KIAA0825: variants seen among roughly 807,000 people sequenced by gnomAD.
The protein encoded by KIAA0825 is uncharacterized protein KIAA0825.
A neutral mutation model predicts 147.6 loss-of-function variants in KIAA0825; 119 were observed. That is an observed-to-expected ratio of 0.81 (90% confidence interval 0.69 to 0.94). The LOEUF is 0.94. Ranked by LOEUF, KIAA0825 falls within the 40% of genes least tolerant of loss-of-function variation. The pLI is 0.00. For missense variants in KIAA0825, 1,381 were observed against 1,472.7 expected (o/e 0.94, Z 1.02); for synonymous variants, 470 against 518.1 (o/e 0.91, Z 1.26).
intron 20 of KIAA0825, among the ~76,000 whole-genome samples, chr5:94,359,677 C>T (rs1744800310): frequency 1.3e-5 from 2 of 152,240 alleles, no homozygotes; most frequent in Non-Finnish European, 1.5e-5. Flanking sequence ...TATTGCTCAA[C>T]TACCTATTAG....
intron 20 of KIAA0825, among the ~76,000 whole-genome samples, chr5:94,271,167 A>C (rs1022997280): frequency 2.6e-5 from 4 of 152,178 alleles, no homozygotes; most frequent in African/African-American, 9.7e-5. Context: ...CCTCAAACTA[A>C]AGAAAACATT....
chr5:94,158,209 T>C (rs778449858), intron 20 of KIAA0825, among the ~76,000 whole-genome samples: 4 of 152,114 alleles, frequency 2.6e-5, no homozygotes, highest in Admixed American at 6.6e-5. Context: ...CAGGCCCCCT[T>C]ATTTGTTTAT....
At chr5:94,211,786 A>G (rs1772732315) in intron 20 of KIAA0825, among the ~76,000 whole-genome samples, 1 of 152,174 alleles carries the variant, frequency 6.6e-6, no homozygotes, top group South Asian at 2.1e-4. Context: ...ATTGGATCCA[A>G]GTGAACATTC....
chr5:94,182,504 C>T (rs911633958), intron 20 of KIAA0825, among the ~76,000 whole-genome samples: 1 of 151,634 alleles, frequency 6.6e-6, no homozygotes, highest in Non-Finnish European at 1.5e-5. Flanking sequence ...AGGTGATCCA[C>T]CTGCCTCGCC....
chr5:94,199,745 G>A (rs2150019576), intron 20 of KIAA0825, among the ~76,000 whole-genome samples: 1 of 152,312 alleles, frequency 6.6e-6, no homozygotes, highest in Middle Eastern at 3.4e-3. Context: ...CATGTCAGTT[G>A]GGGGATGCTG....
chr5:94,534,645 A>G (rs1771598219), intron 3 of KIAA0825, among the ~76,000 whole-genome samples: 1 of 152,100 alleles, frequency 6.6e-6, no homozygotes, highest in Non-Finnish European at 1.5e-5. Flanking sequence ...ACTATTTTTT[A>G]ATGCAAAATA....
intron 20 of KIAA0825, among the ~76,000 whole-genome samples, chr5:94,310,603 T>A (rs1430150697): frequency 6.6e-6 from 1 of 151,606 alleles, no homozygotes; most frequent in African/African-American, 2.4e-5. Flanking sequence ...CATACCACAA[T>A]AAATAATGTG....
intron 20 of KIAA0825, among the ~76,000 whole-genome samples, chr5:94,302,206 C>T (rs192220703): frequency 6.6e-5 from 10 of 152,162 alleles, no homozygotes; most frequent in South Asian, 6.2e-4. Context: ...AAAATAGGCC[C>T]GTTCAGCCCC....
At chr5:94,173,513 G>T (rs1479903214) in intron 20 of KIAA0825, among the ~76,000 whole-genome samples, 1 of 152,090 alleles carries the variant, frequency 6.6e-6, no homozygotes, top group East Asian at 1.9e-4. Context: ...CTCATAACAT[G>T]GCAGCTCCCC....
rs138146587 is a variant in KIAA0825, at chr5:94,162,141, T to G, written c.3711-8017A>C. On this transcript the variant is annotated intron_variant, in intron 20 of 20. Transcript: ENST00000682413. ...TCTCAGCATTTACATCCTTCTTAAC[T>G]TGATACTTTTAAAGAATCTATAGGT... Among the ~76,000 whole-genome samples the G allele has an allele frequency of 1.4e-3, 214 of 152,296 alleles. 1 individual carries two copies. Among genetic ancestry groups the G allele is most frequent in the African/African-American group, 4.7e-3 (194 of 41,568 alleles).
At chr5:94,532,442 C>G (rs1770983293) in intron 3 of KIAA0825, among the ~76,000 whole-genome samples, 1 of 151,938 alleles carries the variant, frequency 6.6e-6, no homozygotes, top group African/African-American at 2.4e-5. Flanking sequence ...GGCATGAGCC[C>G]CCACCCGACC....
At chr5:94,450,517 CCAGCAT>C (rs1243533964) in intron 13 of KIAA0825, among the ~76,000 whole-genome samples, 1 of 151,738 alleles carries the variant, frequency 6.6e-6, no homozygotes, top group Non-Finnish European at 1.5e-5. Flanking sequence ...GATCAAGGCA[CCAGCAT>C]CTGGTGAGGC....
chr5:94,597,595 C>T (rs1031067812), intron 1 of KIAA0825, among the ~76,000 whole-genome samples: 1 of 152,272 alleles, frequency 6.6e-6, no homozygotes, highest in African/African-American at 2.4e-5. Flanking sequence ...CAGTACTACC[C>T]TGATATCCAA....
intron 20 of KIAA0825, among the ~76,000 whole-genome samples, chr5:94,293,684 T>C (rs185862447): frequency 6.6e-6 from 1 of 152,172 alleles, no homozygotes; most frequent in Non-Finnish European, 1.5e-5. Context: ...TTCTGTCTCA[T>C]TGATCTGTCT....
chr5:94,280,604 A>G (rs955367852), intron 20 of KIAA0825, among the ~76,000 whole-genome samples: 5 of 152,066 alleles, frequency 3.3e-5, no homozygotes, highest in African/African-American at 1.2e-4. Context: ...CTCTCCTGGT[A>G]TAATCTCCTT....
rs374049176 is a variant in KIAA0825, at chr5:94,482,727, C to T, written c.1132+2042G>A. Among the ~76,000 whole-genome samples the T allele has an allele frequency of 9.2e-5, 14 of 152,048 alleles. 2 individuals are homozygous for T. Among genetic ancestry groups the T allele is most frequent in the South Asian group, 8.3e-4 (4 of 4,822 alleles). On this transcript the variant is annotated intron_variant, in intron 6 of 20. Coordinates refer to ENST00000682413, the MANE Select transcript of KIAA0825 (RefSeq NM_001145678.3). Reference sequence around the variant, plus strand: ...TCAGGAATCTATTTACATAAAGCTGCGTCACATTAAATCAATCTTGGCTTT... The same window carrying T: ...TCAGGAATCTATTTACATAAAGCTGTGTCACATTAAATCAATCTTGGCTTT...
rs1562284288 is a variant in KIAA0825 at position 94,152,896 on chromosome 5, ATATATAT to A, written c.*1104_*1110del. 0.011 allele frequency: 416 copies of A among 38,186 alleles called. 148 individuals carry two copies. The highest frequency in any genetic ancestry group is 0.014 in the African/African-American group (157 of 10,928). The allele number at this position is 38,186 out of a possible 1,614,324, so 2.4% of individuals were successfully genotyped here. On this transcript the variant is annotated 3_prime_UTR_variant, in exon 21 of 21. Coordinates refer to ENST00000682413, the MANE Select transcript of KIAA0825 (RefSeq NM_001145678.3). ...TATATATATATATATATATATATATATATATATGGTTTCTCCCAGACGTTCTTAGACT... is the reference window on the plus strand; with the variant it reads ...TATATATATATATATATATATATATAGGTTTCTCCCAGACGTTCTTAGACT...
chr5:94,309,941 CT>C (rs1779011482), intron 20 of KIAA0825, among the ~76,000 whole-genome samples: 1 of 151,700 alleles, frequency 6.6e-6, no homozygotes, highest in African/African-American at 2.4e-5. Context: ...ATCTTGTTAT[CT>C]CATATAAATC....
chr5:94,415,405 T>C (rs1432298543), intron 15 of KIAA0825: 3 of 152,164 alleles, frequency 2.0e-5, no homozygotes, highest in Non-Finnish European at 4.4e-5. Context: ...TGTTTCCAAA[T>C]TAAACAAAAG....
Sources: gnomAD v4.1 joint callset for allele counts (sites outside exome capture counted in the v4.1 genomes callset) on GRCh38, gnomAD v4.1.1 for gene constraint, MANE v1.5 for transcripts, NCBI Gene and HGNC (gene_info 2026-07-23, HGNC 2026-07-21) for gene names.